The following FMNL1 variants were observed in gnomAD, a reference collection of about 807,000 sequenced individuals.
FMNL1 encodes the protein formin like 1.
In FMNL1, 43 loss-of-function variants were observed where a neutral mutation model predicts 121.3. That is an observed-to-expected ratio of 0.35 (90% confidence interval 0.28 to 0.46). The LOEUF (loss-of-function observed/expected upper bound fraction) is 0.46, where lower values mean the gene tolerates loss of function less well. Among genes scored for constraint, FMNL1 ranks in the 20% least tolerant of loss-of-function variants. The pLI, the probability that FMNL1 is intolerant of heterozygous loss-of-function variation, is 1.00. For synonymous variants in FMNL1, 613 were observed against 613.5 expected, an observed-to-expected ratio of 1.00 and a Z score of 0.01; for missense variants, 1,191 against 1,482.4, an observed-to-expected ratio of 0.80 and a Z score of 3.23.
chr17:45,234,485 T>C, intron 6 of FMNL1: 4 of 401,532 alleles, frequency 1.0e-5, no homozygotes, highest in Non-Finnish European at 1.4e-5. Context: ...GCTAACATGG[T>C]GAAACCCCAT....
intron 1 of FMNL1, among the ~76,000 whole-genome samples, chr17:45,230,343 G>C (rs376676216): frequency 6.6e-6 from 1 of 152,192 alleles, no homozygotes; most frequent in Non-Finnish European, 1.5e-5. Flanking sequence ...CCAGGGAGGC[G>C]GTGTGGGGGG....
In FMNL1 at chr17:45,241,979, A is replaced by G. The variant is rs2143563766; in HGVS notation, c.1718A>G (p.Glu573Gly). 4 of 1,295,596 alleles carry G rather than the reference A, an allele frequency of 3.1e-6. No individual in the cohort carries two copies. Among genetic ancestry groups the G allele is most frequent in the Admixed American group, 3.9e-5 (1 of 25,426 alleles). The allele number at this position is 1,295,596 out of a possible 1,614,324, so 80.3% of individuals were successfully genotyped here. Residue 573 changes from glutamate (E) to glycine (G), a missense_variant, in exon 15 of 27, where the codon GAG (glutamate) becomes GGG (glycine). This residue lies in a region of FMNL1 where 519 missense variants were observed against 492.8 expected (regional missense o/e 1.05). Transcript: ENST00000331495. This position sits in a 1 kb window ranked among gnomAD's most constrained non-coding sequence, Gnocchi z 7.0. ...GCCCCGCCTCTCCCTGGCAGCCCGG[A>G]GCCCCCGCCTGCGCCGCCGCTGCCC... ...PQAPPLPGSP[E>G]PPPAPPLPGD...
At chr17:45,222,567 C>T (rs1347090143) in intron 1 of FMNL1, among the ~76,000 whole-genome samples, 1 of 152,000 alleles carries the variant, frequency 6.6e-6, no homozygotes, top group African/African-American at 2.4e-5. Context: ...GGTCCCGGGT[C>T]GCCCCCTTCC....
chr17:45,238,907 C>T (rs1362892811), intron 10 of FMNL1, 48 bp from the exon 11 acceptor site: 1 of 1,516,532 alleles, frequency 6.6e-7, no homozygotes, highest in Admixed American at 1.7e-5. Flanking sequence ...AGGCATTGAG[C>T]AACCCCACCT....
At chr17:45,245,222 C>T (rs776558604) in intron 21 of FMNL1, 31 bp from the exon 22 acceptor site, 8 of 1,613,772 alleles carry the variant, frequency 5.0e-6, no homozygotes, top group Non-Finnish European at 6.8e-6. Context: ...CTCCGATTCA[C>T]TGACCTGATA....
At chr17:45,224,313 G>T (rs1402515171) in intron 1 of FMNL1, among the ~76,000 whole-genome samples, 1 of 152,148 alleles carries the variant, frequency 6.6e-6, no homozygotes, top group East Asian at 1.9e-4. Context: ...GCTGCCCAGG[G>T]CTAAAGAGTT....
chr17:45,232,945 C>T, intron 3 of FMNL1: 1 of 581,750 alleles, frequency 1.7e-6, no homozygotes, highest in Non-Finnish European at 3.2e-6. Flanking sequence ...TGTGTGCGCA[C>T]ACACACTCTG....
At chr17:45,238,407 G>A (rs982227357) in intron 9 of FMNL1, 157 bp from the exon 10 acceptor site, 2 of 680,722 alleles carry the variant, frequency 2.9e-6, no homozygotes, top group African/African-American at 3.6e-5. Context: ...AGGGAGAGTG[G>A]GAGATTGAGA....
chr17:45,245,398 A>AT lies in FMNL1; in HGVS notation c.2874_2875insT (p.Asp959Ter). 6.2e-7 allele frequency: 1 copy of AT among 1,614,176 alleles called. No individual in the cohort carries two copies. The highest frequency in any genetic ancestry group is 8.5e-7 in the Non-Finnish European group (1 of 1,180,016). On this transcript the variant is annotated frameshift_variant, in exon 22 of 27. Transcript: ENST00000331495. LOFTEE classifies it high-confidence loss of function. ...CGCCCACCATGGACAAGCTGCTGGC[A>AT]GACAGCAAGACGGCTCAGGTGCGCC... is the stretch of plus-strand genomic sequence containing the variant.
intron 1 of FMNL1, among the ~76,000 whole-genome samples, chr17:45,230,155 ACACTGGCCACTGGC>A (rs148809703): frequency 0.071 from 10,857 of 151,970 alleles, 409 homozygotes; most frequent in Admixed American, 0.11. Flanking sequence ...TGGAGGTGGG[ACACTGGCCACTGGC>A]CACTGGCCAC....
chr17:45,246,662 G>C (rs1598217039), intron 26 of FMNL1, 58 bp downstream of exon 26: 1 of 1,501,382 alleles, frequency 6.7e-7, no homozygotes, highest in East Asian at 2.3e-5. Context: ...GGACCCTTGG[G>C]AGAACTGAGG....
Position 45,240,377 on chromosome 17 carries a change from C to T in FMNL1, c.1081-99C>T, listed in dbSNP as rs2043657979. The T allele has an allele frequency of 3.7e-6, 5 of 1,354,142 alleles. No homozygotes were observed. In the South Asian group the frequency reaches 8.4e-5, roughly 23 times the overall value. The allele number at this position is 1,354,142 out of a possible 1,614,324, so 83.9% of individuals were successfully genotyped here. On this transcript the variant is annotated intron_variant, in intron 11 of 26. Transcript: ENST00000331495. ...GAAAAAGTAGGCTAGGGCTCAGGCC[C>T]CTTCCTCTGGATGGCAGTGGTGGCA...
At position 45,236,179 on chromosome 17, in the gene FMNL1, A is replaced by G. The variant is rs763983223; in HGVS notation, c.658A>G (p.Ile220Val). 1.7e-5 allele frequency: 28 copies of G among 1,613,886 alleles called. No individual in the cohort carries two copies. The highest frequency in any genetic ancestry group is 2.3e-5 in the Non-Finnish European group (27 of 1,180,018). ...HSRKALRNSR[I>V]VSQKDDVHVC... ...CAGGAAGGCCCTGCGGAATTCCCGC[A>G]TCGTCAGCCAGAAGGACGACGTCCA... The change falls in exon 7 of 27, where the codon ATC becomes GTC. Residue 220 changes from isoleucine (I) to valine (V), a missense_variant. Physicochemically the swap from Ile to Val is conservative, Grantham distance 29. Coordinates refer to ENST00000331495, the MANE Select transcript of FMNL1 (RefSeq NM_005892.4).
chr17:45,241,273 C>T lies in FMNL1; in HGVS notation c.1332+43C>T, dbSNP rs771944386. The T allele has an allele frequency of 6.2e-7, 1 of 1,612,902 alleles. No homozygotes were observed. Among genetic ancestry groups the T allele is most frequent in the East Asian group, 2.2e-5 (1 of 44,844 alleles). On this transcript the variant is annotated intron_variant, in intron 13 of 26. Transcript: ENST00000331495. The surrounding 1 kb of genome is among the most constrained non-coding windows in gnomAD (Gnocchi z 7.0). ...GGTAGGCCAGGCGCCCAAGAACAGG[C>T]CAGCTGAGGCTTCTAGGCTTGACAT...
chr17:45,239,922 T>C (rs1464674752), intron 11 of FMNL1, among the ~76,000 whole-genome samples: 3 of 151,818 alleles, frequency 2.0e-5, no homozygotes, highest in Non-Finnish European at 4.4e-5. Context: ...CCCCAGTAGT[T>C]GGGATTATAG....
chr17:45,243,231 A>C lies in FMNL1; in HGVS notation c.2124A>C (p.Thr708=). ...CCCAGAAGGCCCCCAGCAAGGCGAC[A>C]CTCATTGAGGCCAACCGGGCCAAGA... ...KAAQKAPSKA[T]LIEANRAKNL... The change falls in exon 17 of 27, where the codon ACA becomes ACC. Residue 708 remains threonine, a synonymous_variant. Transcript: ENST00000331495. The C allele has an allele frequency of 6.2e-7, 1 of 1,614,128 alleles. No homozygotes were observed. Among genetic ancestry groups the C allele is most frequent in the South Asian group, 1.1e-5 (1 of 91,086 alleles).
chr17:45,222,263 A>T lies in FMNL1; in HGVS notation c.129+10A>T, dbSNP rs1219728786. The stretch of plus-strand genomic sequence containing the variant: ...GTTCAACCGCGCCCTGGTGAGTGCG[A>T]CCCGGAGGCGGGTCGGGCGCGGGCG... On this transcript the variant is annotated intron_variant, in intron 1 of 26. Transcript: ENST00000331495. The T allele has an allele frequency of 6.0e-6, 7 of 1,163,744 alleles. No individual in the cohort carries two copies. The highest frequency in any genetic ancestry group is 7.4e-6 in the Non-Finnish European group (7 of 943,508). The allele number at this position is 1,163,744 out of a possible 1,614,324, so 72.1% of individuals were successfully genotyped here.
chr17:45,224,656 T>TCAC (rs2043297197), intron 1 of FMNL1, among the ~76,000 whole-genome samples: 1 of 152,174 alleles, frequency 6.6e-6, no homozygotes. Context: ...GTGTCCCCAC[T>TCAC]TACAGCCAGA....
At chr17:45,225,586 G>T (rs1234621189) in intron 1 of FMNL1, among the ~76,000 whole-genome samples, 5 of 152,224 alleles carry the variant, frequency 3.3e-5, no homozygotes, top group Non-Finnish European at 7.3e-5. Flanking sequence ...GACATCTGGG[G>T]CTGACTGGCA....
Sources: gnomAD v4.1 joint callset for allele counts (sites outside exome capture counted in the v4.1 genomes callset) on GRCh38, gnomAD v4.1.1 for gene constraint, gnomAD v4.1.1 regional missense constraint, Gnocchi (gnomAD v3.1) non-coding constraint, MANE v1.5 for transcripts, NCBI Gene and HGNC (gene_info 2026-07-23, HGNC 2026-07-21) for gene names.